Variants in RP1 observed in about 807,000 individuals in gnomAD.
RP1 encodes the protein oxygen-regulated protein 1.
In RP1, 16 loss-of-function variants were observed where a neutral mutation model predicts 14.8. The observed-to-expected ratio is 1.08, with a 90% CI of 0.73 to 1.65. RP1 has a LOEUF of 1.65. Among genes scored for constraint, RP1 ranks in the 40% most tolerant of loss-of-function variants. The probability of loss-of-function intolerance (pLI) is 0.00; values close to 1 mark genes in which losing one functional copy is unlikely to be tolerated. For missense variants in RP1, 2,631 were observed against 2,535.0 expected, an observed-to-expected ratio of 1.04 and a Z score of -0.81; for synonymous variants, 876 against 883.6, an observed-to-expected ratio of 0.99 and a Z score of 0.15.
chr8:54,675,940 T>A (rs953215015), intron 8 of RP1, among the ~76,000 whole-genome samples: 3 of 152,160 alleles, frequency 2.0e-5, no homozygotes, highest in African/African-American at 4.8e-5. Flanking sequence ...AAGATCAAAG[T>A]GCTGGCATTT....
At chr8:54,701,363 T>C (rs1186223049) in intron 13 of RP1, 2 of 794,648 alleles carry the variant, frequency 2.5e-6, no homozygotes, top group African/African-American at 3.6e-5. Context: ...AATCATGAGA[T>C]TTTATAAATA....
At chr8:54,819,254 T>C (rs1419385441) in intron 24 of RP1, among the ~76,000 whole-genome samples, 1 of 152,020 alleles carries the variant, frequency 6.6e-6, no homozygotes, top group African/African-American at 2.4e-5. Flanking sequence ...GAGACTCTGA[T>C]GCATTTTTCA....
chr8:54,739,036 A>G lies in RP1; in HGVS notation c.2808+7A>G, dbSNP rs1224269853. The stretch of plus-strand genomic sequence containing the variant: ...CGAGTGGAACTTGCAGAGGGTAATC[A>G]TGTCACTTATTTTTTTCTTCATAGT... On this transcript the variant is annotated splice_region_variant and intron_variant, in intron 19 of 22. Coordinates refer to the RP1 transcript ENST00000636932. 4 of 1,521,860 alleles carry G rather than the reference A, an allele frequency of 2.6e-6. No individual in the cohort carries two copies. The Admixed American group carries it at 6.0e-5, about 23-fold the overall frequency. 94.3% of individuals were successfully genotyped at this position (1,521,860 alleles called of 1,614,324 possible). A position where few individuals can be genotyped will look rare whatever the true frequency, so the allele number is the denominator to read the frequency against.
chr8:54,773,597 A>G (rs986003114), downstream of RP1, among the ~76,000 whole-genome samples: 16 of 152,186 alleles, frequency 1.1e-4, no homozygotes, highest in Non-Finnish European at 8.8e-5. Flanking sequence ...ACATGGCACC[A>G]CTGCACTCTG....
chr8:54,661,478 T>TA lies in RP1; in HGVS notation c.1172-2211dup, dbSNP rs199535686. ...TGAGTGACAGAACCAGATCCTGTAT[T>TA]AAAAAAAAAAGAAATCTTTAGATTC... On this transcript the variant is annotated intron_variant, in intron 6 of 22. Transcript: ENST00000636932. 3.3e-4 allele frequency among the ~76,000 whole-genome samples: 48 copies of TA among 146,482 alleles called. No individual in the cohort carries two copies. In the South Asian group the frequency reaches 3.5e-3, roughly 11 times the overall value.
intron 3 of RP1, among the ~76,000 whole-genome samples, chr8:54,648,130 A>T (rs1226702695): frequency 6.6e-6 from 1 of 152,112 alleles, no homozygotes; most frequent in Admixed American, 6.6e-5. Context: ...GCCTTCTGCC[A>T]TGATTGTTAA....
At chr8:54,604,106 G>C (rs760162626) in intron 1 of RP1, among the ~76,000 whole-genome samples, 12 of 152,154 alleles carry the variant, frequency 7.9e-5, no homozygotes, top group Non-Finnish European at 1.3e-4. Context: ...GGGCATCCCT[G>C]TCTTGTGCCA....
chr8:54,642,990 G>C (rs1156983135), intron 3 of RP1, among the ~76,000 whole-genome samples: 1 of 151,508 alleles, frequency 6.6e-6, no homozygotes, highest in East Asian at 1.9e-4. Flanking sequence ...TTGATCACTT[G>C]TGTTCTCTTT....
intron 8 of RP1, among the ~76,000 whole-genome samples, chr8:54,674,196 G>A (rs151116658): frequency 1.3e-3 from 199 of 152,152 alleles, no homozygotes; most frequent in African/African-American, 4.6e-3. Flanking sequence ...AAGAGATTGG[G>A]GATTTATATG....
chr8:54,783,765 C>A (rs1171134831), intron 24 of RP1: 1 of 1,113,426 alleles, frequency 9.0e-7, no homozygotes, highest in Non-Finnish European at 1.1e-6. Flanking sequence ...ATATACATCC[C>A]CGAAGATGAA....
chr8:54,711,086 T>C (rs1363030659), intron 15 of RP1, among the ~76,000 whole-genome samples: 1 of 152,192 alleles, frequency 6.6e-6, no homozygotes, highest in Admixed American at 6.5e-5. Flanking sequence ...CCAATGTGTA[T>C]CAGTTCAGTG....
chr8:54,729,862 C>A (rs914490445), intron 17 of RP1, among the ~76,000 whole-genome samples: 2 of 151,754 alleles, frequency 1.3e-5, no homozygotes, highest in Non-Finnish European at 2.9e-5. Context: ...TAGAATAATT[C>A]CCATAAATGG....
downstream of RP1, chr8:54,770,127 G>A (rs1265717014): frequency 7.4e-6 from 3 of 403,076 alleles, no homozygotes; most frequent in African/African-American, 2.1e-5. Flanking sequence ...TTGCAGAAAT[G>A]CAAATAAATC....
At chr8:54,816,808 C>A (rs781775122) in intron 24 of RP1, among the ~76,000 whole-genome samples, 15 of 152,140 alleles carry the variant, frequency 9.9e-5, no homozygotes, top group Non-Finnish European at 1.8e-4. Flanking sequence ...ATCTTTTCAT[C>A]CTTCATCCAT....
chr8:54,808,855 C>T (rs1008457384), intron 24 of RP1, among the ~76,000 whole-genome samples: 3 of 152,192 alleles, frequency 2.0e-5, no homozygotes, highest in Non-Finnish European at 4.4e-5. Context: ...TTGATGGCCA[C>T]ACCCCGTTCT....
chr8:54,837,127 T>A (rs1354540805), intron 24 of RP1, among the ~76,000 whole-genome samples: 3 of 145,970 alleles, frequency 2.1e-5, no homozygotes, highest in Non-Finnish European at 3.1e-5. Flanking sequence ...ATTGTCTTAT[T>A]CTTCAGGTCT....
At chr8:54,732,299 G>A (rs1010375897) in intron 17 of RP1, among the ~76,000 whole-genome samples, 2 of 151,966 alleles carry the variant, frequency 1.3e-5, no homozygotes, top group Admixed American at 6.6e-5. Flanking sequence ...CCTGCCCTCC[G>A]CTACACCTGA....
At chr8:54,840,592 C>CAA (rs59468913) in intron 25 of RP1, among the ~76,000 whole-genome samples, 2,367 of 127,422 alleles carry the variant, frequency 0.019, 28 homozygotes, top group East Asian at 0.025. Context: ...TTGTTACATG[C>CAA]AAAAAAAAAA....
chr8:54,626,433 G>A lies in RP1; in HGVS notation c.2551G>A (p.Ala851Thr), dbSNP rs1806052086. Residue 851 changes from alanine to threonine, a missense_variant, in exon 4 of 4, where the codon GCA (alanine) becomes ACA (threonine). Ala to Thr is a moderately conservative substitution (Grantham distance 58). Coordinates refer to ENST00000220676, the MANE Select transcript of RP1 (RefSeq NM_006269.2). ...GGCATCTGGGTATTTGAGAGGAATGGCAAAGAAGAGTTTAGTTTCAAAAGT... is the reference window on the plus strand; with the variant it reads ...GGCATCTGGGTATTTGAGAGGAATGACAAAGAAGAGTTTAGTTTCAAAAGT... Reference protein sequence around the residue: ...EVASGYLRGMAKKSLVSKVTD... With the variant: ...EVASGYLRGMTKKSLVSKVTD... The A allele has an allele frequency of 4.3e-6, 7 of 1,613,484 alleles. No homozygotes were observed. Among genetic ancestry groups the A allele is most frequent in the Admixed American group, 1.7e-5 (1 of 59,930 alleles).
Sources: gnomAD v4.1 joint callset for allele counts (sites outside exome capture counted in the v4.1 genomes callset) on GRCh38, gnomAD v4.1.1 for gene constraint, MANE v1.5 for transcripts, NCBI Gene and HGNC (gene_info 2026-07-23, HGNC 2026-07-21) for gene names.